TRIM25: variants seen among roughly 807,000 people sequenced by gnomAD.
TRIM25 encodes the protein tripartite motif containing 25, also known as E3 ubiquitin/ISG15 ligase TRIM25.
A neutral mutation model predicts 65.2 loss-of-function variants in TRIM25; 45 were observed. That is an observed-to-expected ratio of 0.69 (90% CI 0.54 to 0.89). TRIM25 has a LOEUF of 0.89. Among genes scored for constraint, TRIM25 ranks in the 40% least tolerant of loss-of-function variants. The pLI, the probability that TRIM25 is intolerant of heterozygous loss-of-function variation, is 0.00. For synonymous variants in TRIM25, 321 were observed against 340.4 expected (o/e 0.94, Z 0.63); for missense variants, 714 against 803.7 (o/e 0.89, Z 1.35).
chr17:56,911,830 T>C (rs1432451421), intron 1 of TRIM25, among the ~76,000 whole-genome samples: 1 of 151,828 alleles, frequency 6.6e-6, no homozygotes, highest in Non-Finnish European at 1.5e-5. Context: ...AGTTTGAGAT[T>C]ACAGTGAGCT....
At position 56,891,602 on chromosome 17, in the gene TRIM25, A is replaced by C; in HGVS notation, c.*98T>G. ...CCCTCCCATGCTCCCAATCCTTGGG[A>C]CCTCTTGGGGAATTATCCAAGGAGA... On this transcript the variant is annotated 3_prime_UTR_variant, in exon 9 of 9. Transcript: ENST00000316881. 1 of 827,162 alleles carries C rather than the reference A, an allele frequency of 1.2e-6. No individual in the cohort carries two copies. The highest frequency in any genetic ancestry group is 1.7e-6 in the Non-Finnish European group (1 of 601,538). The allele number at this position is 827,162 out of a possible 1,614,324, so 51.2% of individuals were successfully genotyped here.
intron 2 of TRIM25, among the ~76,000 whole-genome samples, chr17:56,906,010 T>G (rs1376219603): frequency 1.3e-5 from 2 of 152,212 alleles, no homozygotes; most frequent in African/African-American, 4.8e-5. Flanking sequence ...ACTATTCAAA[T>G]TAACTTAAAA....
chr17:56,898,992 A>T, intron 5 of TRIM25, 123 bp downstream of exon 5: 1 of 1,141,784 alleles, frequency 8.8e-7, no homozygotes, highest in Non-Finnish European at 1.3e-6. Context: ...GACTGCCACC[A>T]ACTTCTTTCC....
chr17:56,906,304 T>C (rs1439198569), intron 2 of TRIM25, among the ~76,000 whole-genome samples: 2 of 151,958 alleles, frequency 1.3e-5, no homozygotes, highest in Non-Finnish European at 2.9e-5. Flanking sequence ...GGAAGCATGC[T>C]CTTGGACCTC....
Position 56,908,561 on chromosome 17 carries a change from G to A in TRIM25, c.600C>T (p.Ala200=). 6.2e-7 allele frequency: 1 copy of A among 1,613,538 alleles called. No individual in the cohort carries two copies. Among genetic ancestry groups the A allele is most frequent in the Non-Finnish European group, 8.5e-7 (1 of 1,180,006 alleles). Residue 200 remains alanine, a splice_region_variant and synonymous_variant, in exon 2 of 9, where the codon GCC becomes GCT. Coordinates refer to ENST00000316881, the MANE Select transcript of TRIM25 (RefSeq NM_005082.5). ...TGACAGTTAGTTTGTGCCTCAGGGT[G>A]GCCTGCAGGGAAAACAAATGAGGTT... is the stretch of plus-strand genomic sequence containing the variant. ...SLSQASADLE[A]TLRHKLTVMY... is the part of the protein sequence containing the mutation.
At chr17:56,892,997 G>A (rs1909213098) in intron 8 of TRIM25, among the ~76,000 whole-genome samples, 1 of 152,244 alleles carries the variant, frequency 6.6e-6, no homozygotes. Context: ...AGTAACAGAA[G>A]ATGAGAACTA....
chr17:56,899,686 C>T (rs562705212), intron 4 of TRIM25, among the ~76,000 whole-genome samples: 28 of 152,330 alleles, frequency 1.8e-4, no homozygotes, highest in Non-Finnish European at 2.8e-4. Context: ...CAAGGACACT[C>T]GGCAGGCCAA....
Position 56,908,449 on chromosome 17 carries a change from G to A in TRIM25, c.693+19C>T, listed in dbSNP as rs1254114749. 3 of 1,611,660 alleles carry A rather than the reference G, an allele frequency of 1.9e-6. No individual in the cohort carries two copies. The Admixed American group carries it at 5.0e-5, about 27-fold the overall frequency. ...GAAGCCACAGGGCAGGGCTGGCCTT[G>A]GAGAGCCCTGCCACTCACCCGCACA... On this transcript the variant is annotated intron_variant, in intron 2 of 8. Transcript: ENST00000316881.
rs535825450 is a variant in TRIM25, at chr17:56,904,344, T to C, written c.838A>G (p.Ile280Val). Residue 280 changes from isoleucine (I) to valine (V), a missense_variant, in exon 3 of 9, where the codon ATT (isoleucine) becomes GTT (valine). Ile to Val is a conservative substitution (Grantham distance 29, BLOSUM62 3). Transcript: ENST00000316881. ...ATCTCACTCTTCTTCTTGAGGAGAA[T>C]CTGATAAATGGTGTCAAACTTGCTG... ...VNSKFDTIYQILLKKKSEIQT... is the reference protein window; with the variant it reads ...VNSKFDTIYQVLLKKKSEIQT... The C allele has an allele frequency of 6.8e-6, 11 of 1,614,126 alleles. No individual in the cohort carries two copies. In the South Asian group the frequency reaches 8.8e-5, roughly 13 times the overall value.
chr17:56,895,695 C>T (rs752705449), intron 6 of TRIM25, 91 bp from the exon 7 acceptor site: 50 of 1,349,620 alleles, frequency 3.7e-5, no homozygotes, highest in Admixed American at 6.9e-5. Flanking sequence ...TACAAACACA[C>T]GCCTGAACAG....
chr17:56,912,585 C>T (rs191400579), intron 1 of TRIM25, among the ~76,000 whole-genome samples: 2 of 152,142 alleles, frequency 1.3e-5, no homozygotes, highest in South Asian at 2.1e-4. Flanking sequence ...TTTGGTGCTC[C>T]GGACTCTACG....
intron 2 of TRIM25, among the ~76,000 whole-genome samples, chr17:56,906,241 TC>T (rs1339198398): frequency 2.0e-5 from 3 of 152,220 alleles, no homozygotes; most frequent in South Asian, 4.1e-4. Flanking sequence ...CTTCTTCCTG[TC>T]CCGCTCTCCT....
Position 56,901,415 on chromosome 17 carries a change from T to C in TRIM25, c.1087+4A>G. The C allele has an allele frequency of 1.2e-6, 2 of 1,613,436 alleles. No individual in the cohort carries two copies. Among genetic ancestry groups the C allele is most frequent in the Non-Finnish European group, 1.7e-6 (2 of 1,179,880 alleles). ...GGGGCAGCATAGGGGGCTGCTAAGGTCACCTGAACTGGGGGTGGGCTCCTG... is the reference window on the plus strand; with the variant it reads ...GGGGCAGCATAGGGGGCTGCTAAGGCCACCTGAACTGGGGGTGGGCTCCTG... On this transcript the variant is annotated splice_donor_region_variant and intron_variant, in intron 4 of 8. Coordinates refer to ENST00000316881, the MANE Select transcript of TRIM25 (RefSeq NM_005082.5).
Position 56,913,423 on chromosome 17 carries a change from G to C in TRIM25, c.566C>G (p.Ala189Gly), listed in dbSNP as rs138027563. 1 of 1,584,170 alleles carries C rather than the reference G, an allele frequency of 6.3e-7. No homozygotes were observed. Among genetic ancestry groups the C allele is most frequent in the Admixed American group, 1.7e-5 (1 of 58,090 alleles). Residue 189 changes from alanine (A) to glycine (G), a missense_variant, in exon 1 of 9, where the codon GCG (alanine) becomes GGG (glycine). Coordinates refer to ENST00000316881, the MANE Select transcript of TRIM25 (RefSeq NM_005082.5). This position sits in a 1 kb window ranked among gnomAD's most constrained non-coding sequence, Gnocchi z 6.1. The stretch of plus-strand genomic sequence containing the variant: ...GTCGGCGCTGGCCTGGCTCAGGGAC[G>C]CGGGAGAGCAGGTCTTATGCTCCAC... Reference protein sequence around the residue: ...CLVEHKTCSPASLSQASADLE... With the variant: ...CLVEHKTCSPGSLSQASADLE...
Position 56,899,189 on chromosome 17 carries a change from G to A in TRIM25, c.1088-9C>T. 6.2e-7 allele frequency: 1 copy of A among 1,614,168 alleles called. No homozygotes were observed. The highest frequency in any genetic ancestry group is 8.5e-7 in the Non-Finnish European group (1 of 1,180,002). On this transcript the variant is annotated splice_polypyrimidine_tract_variant and intron_variant, in intron 4 of 8. Transcript: ENST00000316881. Reference sequence around the variant, plus strand: ...ATGCTCTCCAGGGTCACCTGTGTCAGAGAAGAAGGGCTCAGTGTGTGCGGC... The same window carrying A: ...ATGCTCTCCAGGGTCACCTGTGTCAAAGAAGAAGGGCTCAGTGTGTGCGGC...
intron 2 of TRIM25, among the ~76,000 whole-genome samples, chr17:56,907,602 G>A (rs1390840745): frequency 6.6e-6 from 1 of 152,106 alleles, no homozygotes; most frequent in East Asian, 1.9e-4. Flanking sequence ...AAAACAGGGG[G>A]AACAAAACCA....
chr17:56,908,405 T>A, intron 2 of TRIM25, 63 bp downstream of exon 2: 1 of 1,507,330 alleles, frequency 6.6e-7, no homozygotes, highest in Non-Finnish European at 9.2e-7. Flanking sequence ...GCCACGCCCA[T>A]CCCGCGTGGA....
At chr17:56,904,233 AC>A in intron 3 of TRIM25, 21 bp downstream of exon 3, 1 of 1,586,232 alleles carries the variant, frequency 6.3e-7, no homozygotes, top group Non-Finnish European at 8.6e-7. Context: ...AAAACATTCA[AC>A]AATGCCTTGT....
At chr17:56,894,684 G>C (rs1015125357) in intron 8 of TRIM25, among the ~76,000 whole-genome samples, 1 of 152,246 alleles carries the variant, frequency 6.6e-6, no homozygotes, top group African/African-American at 2.4e-5. Flanking sequence ...AGCCTAGGTA[G>C]AGATGCTGAG....
Sources: allele counts gnomAD v4.1 joint callset (sites outside exome capture counted in the v4.1 genomes callset), GRCh38; gene constraint gnomAD v4.1.1; non-coding constraint Gnocchi (gnomAD v3.1); transcripts MANE v1.5; gene names NCBI Gene and HGNC (gene_info 2026-07-23, HGNC 2026-07-21).